The following ZBTB26 variants were observed in gnomAD, a reference collection of about 807,000 sequenced individuals.
ZBTB26 encodes zinc finger and BTB domain-containing protein 26.
ZBTB26 carries 12 observed loss-of-function variants against 31.6 expected under a neutral mutation model. The ratio of observed to expected loss-of-function variants is 0.38; its 90% confidence interval spans 0.24 to 0.61. The LOEUF (loss-of-function observed/expected upper bound fraction) is 0.61, where lower values mean the gene tolerates loss of function less well. Among genes scored for constraint, ZBTB26 ranks in the 20% least tolerant of loss-of-function variants. The pLI is 0.60. For missense variants in ZBTB26, 311 were observed against 521.9 expected (o/e 0.60, Z 3.94); for synonymous variants, 155 against 182.9 (o/e 0.85, Z 1.23).
chr9:122,923,512 C>T (rs1000362056), intron 1 of ZBTB26, among the ~76,000 whole-genome samples: 13 of 152,208 alleles, frequency 8.5e-5, no homozygotes, highest in African/African-American at 3.1e-4. Context: ...TTAGCAACTG[C>T]AGTAGCTTAA....
At chr9:122,926,863 A>G (rs1833190684) in intron 1 of ZBTB26, among the ~76,000 whole-genome samples, 1 of 152,214 alleles carries the variant, frequency 6.6e-6, no homozygotes, top group African/African-American at 2.4e-5. Flanking sequence ...AATAAAGCAG[A>G]CAATAAAAAT....
At chr9:122,926,910 G>C (rs1833191495) in intron 1 of ZBTB26, among the ~76,000 whole-genome samples, 1 of 152,090 alleles carries the variant, frequency 6.6e-6, no homozygotes. Context: ...CCAACTGTAG[G>C]TAACTTCTAA....
At chr9:122,928,977 A>G (rs1833226859) in intron 1 of ZBTB26, among the ~76,000 whole-genome samples, 1 of 152,234 alleles carries the variant, frequency 6.6e-6, no homozygotes, top group African/African-American at 2.4e-5. Flanking sequence ...CAGATTTGAG[A>G]GACATTTCCA....
rs1833036129 is a variant in ZBTB26, at chr9:122,917,881, C to G, written c.*728G>C. Reference sequence around the variant, plus strand: ...ATGGGACATGCTACCAGAGAAACCGCCCATGTAAGTGCTGTTGTATAAGTG... The same window carrying G: ...ATGGGACATGCTACCAGAGAAACCGGCCATGTAAGTGCTGTTGTATAAGTG... On this transcript the variant is annotated 3_prime_UTR_variant, in exon 2 of 2. Coordinates refer to ENST00000373656, the MANE Select transcript of ZBTB26 (RefSeq NM_020924.4). The G allele has an allele frequency of 1.3e-5, 2 of 152,174 alleles. No individual in the cohort carries two copies. The highest frequency in any genetic ancestry group is 4.8e-5 in the African/African-American group (2 of 41,406). The allele number at this position is 152,174 out of a possible 1,614,324, so 9.4% of individuals were successfully genotyped here. A position where few individuals can be genotyped will look rare whatever the true frequency, so the allele number is the denominator to read the frequency against.
At chr9:122,926,368 G>T (rs981200791) in intron 1 of ZBTB26, among the ~76,000 whole-genome samples, 1 of 152,052 alleles carries the variant, frequency 6.6e-6, no homozygotes, top group African/African-American at 2.4e-5. Flanking sequence ...TTAGCCAGGA[G>T]TGGTGGCGGG....
chr9:122,927,883 T>G (rs1026605493), intron 1 of ZBTB26, among the ~76,000 whole-genome samples: 7 of 152,188 alleles, frequency 4.6e-5, no homozygotes, highest in African/African-American at 1.7e-4. Context: ...TTGCCCAGGC[T>G]TGAGTGCAGT....
At chr9:122,929,616 T>C (rs1048579137) in intron 1 of ZBTB26, among the ~76,000 whole-genome samples, 20 of 152,246 alleles carry the variant, frequency 1.3e-4, no homozygotes, top group African/African-American at 4.8e-4. Flanking sequence ...CTTAGAACAG[T>C]GTCTGGTATG....
intron 1 of ZBTB26, among the ~76,000 whole-genome samples, chr9:122,927,627 C>T (rs1370237360): frequency 6.6e-6 from 1 of 152,036 alleles, no homozygotes; most frequent in Non-Finnish European, 1.5e-5. Context: ...TCTTGTTCTT[C>T]TTTTAGGTAA....
Position 122,918,881 on chromosome 9 carries a change from T to G in ZBTB26, c.1054A>C (p.Lys352Gln). The change falls in exon 2 of 2, where the codon AAG (lysine) becomes CAG (glutamine). Residue 352 changes from lysine (K) to glutamine (Q), a missense_variant. Lys to Gln is a moderately conservative substitution (Grantham distance 53). Around this residue, in one of 5 missense-constraint regions of ZBTB26, gnomAD observed 25 missense variants for 93.0 expected, o/e 0.27. Transcript: ENST00000373656. The part of the protein sequence containing the change: ...QDHLNLHSGD[K>Q]PHKCNYCDMV... ...TCACAATAGTTACATTTATGGGGCTTATCTCCACTGTGAAGGTTAAGATGA... is the reference window on the plus strand; with the variant it reads ...TCACAATAGTTACATTTATGGGGCTGATCTCCACTGTGAAGGTTAAGATGA... 1 of 1,614,224 alleles carries G rather than the reference T, an allele frequency of 6.2e-7. No homozygotes were observed. Among genetic ancestry groups the G allele is most frequent in the Non-Finnish European group, 8.5e-7 (1 of 1,180,038 alleles).
intron 1 of ZBTB26, among the ~76,000 whole-genome samples, chr9:122,928,338 T>C (rs1227203948): frequency 2.6e-5 from 4 of 152,142 alleles, no homozygotes; most frequent in Non-Finnish European, 5.9e-5. Flanking sequence ...TCTCGCTCTG[T>C]TGCCCAGGCT....
rs558471715 is a variant in ZBTB26, at chr9:122,917,904, G to A, written c.*705C>T. On this transcript the variant is annotated 3_prime_UTR_variant, in exon 2 of 2. Transcript: ENST00000373656. ...CGCCCATGTAAGTGCTGTTGTATAAGTGTACTTCTATCCCTGTTGATTATG... is the reference window on the plus strand; with the variant it reads ...CGCCCATGTAAGTGCTGTTGTATAAATGTACTTCTATCCCTGTTGATTATG... The A allele has an allele frequency of 6.6e-6, 1 of 152,270 alleles. No homozygotes were observed. The highest frequency in any genetic ancestry group is 1.5e-5 in the Non-Finnish European group (1 of 68,080). The allele number at this position is 152,270 out of a possible 1,614,324, so 9.4% of individuals were successfully genotyped here.
intron 1 of ZBTB26, among the ~76,000 whole-genome samples, chr9:122,928,855 G>T (rs1204478831): frequency 1.3e-5 from 2 of 152,220 alleles, no homozygotes; most frequent in Non-Finnish European, 2.9e-5. Context: ...ATGGAGAATG[G>T]CTTGGAGAAA....
intron 1 of ZBTB26, among the ~76,000 whole-genome samples, chr9:122,920,668 T>G (rs1251918078): frequency 6.6e-6 from 1 of 152,220 alleles, no homozygotes; most frequent in Non-Finnish European, 1.5e-5. Flanking sequence ...CTTTGTCCTG[T>G]CCATTCTGGA....
rs918309031 is a variant in ZBTB26, at chr9:122,925,597, AT to A, written c.-10-5654del. Among the ~76,000 whole-genome samples the A allele has an allele frequency of 1.7e-4, 26 of 149,372 alleles. No individual in the cohort carries two copies. The East Asian group carries it at 2.9e-3, about 17-fold the overall frequency. ...GTATGAAACAACTAATCTAGGTACA[AT>A]TTTTTTTTTCTTGTTTTGAGATGTA... On this transcript the variant is annotated intron_variant, in intron 1 of 1. Coordinates refer to ENST00000373656, the MANE Select transcript of ZBTB26 (RefSeq NM_020924.4).
rs1474137445 is a variant in ZBTB26, at chr9:122,919,882, G to A, written c.53C>T (p.Ser18Leu). 1 of 1,610,010 alleles carries A rather than the reference G, an allele frequency of 6.2e-7. No individual in the cohort carries two copies. Among genetic ancestry groups the A allele is most frequent in the Admixed American group, 1.7e-5 (1 of 59,440 alleles). ...TAATTTGTTCATTTTTTGTAACATT[G>A]AATCTCCATAATTTTCAAACTTGAA... ...LHFKFENYGDSMLQKMNKLRE... is the reference protein window; with the variant it reads ...LHFKFENYGDLMLQKMNKLRE... Residue 18 changes from serine (S) to leucine (L), a missense_variant, in exon 2 of 2, where the codon TCA becomes TTA. Physicochemically the swap from Ser to Leu is moderately radical, Grantham distance 145. Transcript: ENST00000373656. The surrounding 1 kb of genome is among the most constrained non-coding windows in gnomAD (Gnocchi z 6.1).
At chr9:122,928,167 T>C (rs1260197902) in intron 1 of ZBTB26, among the ~76,000 whole-genome samples, 1 of 152,220 alleles carries the variant, frequency 6.6e-6, no homozygotes, top group African/African-American at 2.4e-5. Context: ...TACTTCTATA[T>C]GTCTAGCCAC....
intron 1 of ZBTB26, among the ~76,000 whole-genome samples, chr9:122,922,225 G>A (rs1196560440): frequency 1.3e-5 from 2 of 152,150 alleles, no homozygotes; most frequent in African/African-American, 4.8e-5. Flanking sequence ...GTGACAGAAT[G>A]AGGCTCTGTC....
At chr9:122,926,803 C>G (rs1267451648) in intron 1 of ZBTB26, among the ~76,000 whole-genome samples, 3 of 152,148 alleles carry the variant, frequency 2.0e-5, no homozygotes, top group African/African-American at 4.8e-5. Context: ...ATATTATTTT[C>G]CATCTTTTGT....
At chr9:122,929,370 A>C (rs572866711) in intron 1 of ZBTB26, among the ~76,000 whole-genome samples, 31 of 152,316 alleles carry the variant, frequency 2.0e-4, no homozygotes, top group Non-Finnish European at 4.1e-4. Context: ...CTCCATTCTT[A>C]TCAATGAGCC....
Sources: gnomAD v4.1 joint callset for allele counts (sites outside exome capture counted in the v4.1 genomes callset) on GRCh38, gnomAD v4.1.1 for gene constraint, gnomAD v4.1.1 regional missense constraint, Gnocchi (gnomAD v3.1) non-coding constraint, MANE v1.5 for transcripts, NCBI Gene and HGNC (gene_info 2026-07-23, HGNC 2026-07-21) for gene names.